PARP4: variants seen among roughly 807,000 people sequenced by gnomAD.
The protein encoded by PARP4 is poly(ADP-ribose) polymerase family member 4, also known as protein mono-ADP-ribosyltransferase PARP4.
A neutral mutation model predicts 187.7 loss-of-function variants in PARP4; 120 were observed. The observed-to-expected ratio is 0.64, with a 90% confidence interval of 0.55 to 0.74. The LOEUF (loss-of-function observed/expected upper bound fraction) is 0.74, where lower values mean the gene tolerates loss of function less well. PARP4 is among the 30% of genes least tolerant of loss of function. The pLI is 0.00. For missense variants in PARP4, 1,836 were observed against 2,070.5 expected, an observed-to-expected ratio of 0.89 and a Z score of 2.20; for synonymous variants, 654 against 740.9, an observed-to-expected ratio of 0.88 and a Z score of 1.90.
At chr13:24,439,378 G>C (rs189385386) in intron 30 of PARP4, among the ~76,000 whole-genome samples, 29 of 150,630 alleles carry the variant, frequency 1.9e-4, no homozygotes, top group African/African-American at 5.8e-4. Flanking sequence ...GAGAAAATTA[G>C]AAAATACAAG....
rs61708412 is a variant in PARP4, at chr13:24,510,553, C to CAAA, written c.-2+2150_-2+2152dup. ...TGGGCGACAGAGCGAGACTCCGTCT[C>CAAA]AAAAAAAAAAAAAAAAAAGTGTTCA... On this transcript the variant is annotated intron_variant, in intron 1 of 33. Coordinates refer to ENST00000381989, the MANE Select transcript of PARP4 (RefSeq NM_006437.4). Among the ~76,000 whole-genome samples the CAAA allele has an allele frequency of 1.2e-4, 11 of 89,258 alleles. 1 individual carries two copies. The highest frequency in any genetic ancestry group is 5.2e-4 in the African/African-American group (11 of 21,016). 58.6% of individuals were successfully genotyped at this position (89,258 alleles called of 152,430 possible).
chr13:24,455,165 G>A lies in PARP4; in HGVS notation c.2610C>T (p.Asp870=), dbSNP rs778083230. The A allele has an allele frequency of 9.4e-6, 15 of 1,603,324 alleles. No individual in the cohort carries two copies. The highest frequency in any genetic ancestry group is 6.7e-5 in the Admixed American group (4 of 59,786). ...TAATCACTTCGCTCTCACTGGCTAG[G>A]TCAGGGAGGTCGACATCGAGATCGG... ...FQPDLDVDLP[D]LASESEVIIC... is the part of the protein sequence containing the mutation. Residue 870 remains aspartate (D), a synonymous_variant, in exon 22 of 34, where the codon GAC becomes GAT. Transcript: ENST00000381989.
chr13:24,440,966 A>G (rs7981480), intron 30 of PARP4, among the ~76,000 whole-genome samples: 60,329 of 151,896 alleles, frequency 0.4, 12,226 homozygotes, highest in African/African-American at 0.46. Context: ...TCTGCTTCCT[A>G]GGTGCAAGCA....
In PARP4 at chr13:24,455,681, G is replaced by A. The variant is rs182330660; in HGVS notation, c.2563-469C>T. ...TGTCCAGGCTGGTATGCAGTGGCAC[G>A]ATCACAGCTCAGTTCAACCTCAACC... On this transcript the variant is annotated intron_variant, in intron 21 of 33. Coordinates refer to ENST00000381989, the MANE Select transcript of PARP4 (RefSeq NM_006437.4). Among the ~76,000 whole-genome samples the A allele has an allele frequency of 1.7e-4, 23 of 136,102 alleles. No homozygotes were observed. In the East Asian group the frequency reaches 3.2e-3, roughly 19 times the overall value. The allele number at this position is 136,102 out of a possible 152,430, so 89.3% of individuals were successfully genotyped here.
chr13:24,442,757 A>T (rs565483118), intron 28 of PARP4, 72 bp from the exon 29 acceptor site: 11 of 841,758 alleles, frequency 1.3e-5, no homozygotes, highest in Middle Eastern at 2.5e-4. Flanking sequence ...TCATTTTAAG[A>T]TTCGTATTTC....
At chr13:24,442,834 AACTG>A in intron 28 of PARP4, 149 bp from the exon 29 acceptor site, 1 of 557,370 alleles carries the variant, frequency 1.8e-6, no homozygotes, top group Non-Finnish European at 3.3e-6. Context: ...AAATGAGATG[AACTG>A]ACTTAGTCAT....
chr13:24,490,532 G>GT (rs1868580694), intron 10 of PARP4, 136 bp downstream of exon 10: 2 of 707,994 alleles, frequency 2.8e-6, no homozygotes, highest in South Asian at 3.9e-5. Flanking sequence ...AGAGAAGAAA[G>GT]TAATGTGTCA....
In PARP4 at chr13:24,475,286, T is replaced by C. The variant is rs145541960; in HGVS notation, c.1914+186A>G. Among the ~76,000 whole-genome samples, 18 of 152,366 alleles carry C rather than the reference T, an allele frequency of 1.2e-4. No individual in the cohort carries two copies. In the East Asian group the frequency reaches 2.1e-3, roughly 18 times the overall value. On this transcript the variant is annotated intron_variant, in intron 15 of 33. Coordinates refer to ENST00000381989, the MANE Select transcript of PARP4 (RefSeq NM_006437.4). ...GTGCTCCACAAGGGCAGAGCTTTTG[T>C]ATTGTGCACTGCTGGATGCTCAGAG...
In PARP4 at chr13:24,511,603, A is replaced by G. The variant is rs373923079; in HGVS notation, c.-2+1103T>C. On this transcript the variant is annotated intron_variant, in intron 1 of 33. Coordinates refer to ENST00000381989, the MANE Select transcript of PARP4 (RefSeq NM_006437.4). ...GGAATCAAGTGGCTTCCTGCTTCAC[A>G]GGTCTTCGTCTTTACCACTGGCATT... 1.4e-3 allele frequency among the ~76,000 whole-genome samples: 206 copies of G among 152,304 alleles called. 3 individuals are homozygous for G. The East Asian group carries it at 0.02, about 15-fold the overall frequency.
At chr13:24,508,644 G>A (rs1869839417) in intron 1 of PARP4, among the ~76,000 whole-genome samples, 1 of 152,186 alleles carries the variant, frequency 6.6e-6, no homozygotes, top group Non-Finnish European at 1.5e-5. Flanking sequence ...CTCCCGAGTA[G>A]CTGGGATTAT....
At chr13:24,494,803 C>G in intron 6 of PARP4, 81 bp from the exon 7 acceptor site, 1 of 840,314 alleles carries the variant, frequency 1.2e-6, no homozygotes. Context: ...GCAGTAGGTC[C>G]TTGACATGAA....
At chr13:24,490,164 G>C (rs975963164) in intron 10 of PARP4, among the ~76,000 whole-genome samples, 3 of 152,218 alleles carry the variant, frequency 2.0e-5, no homozygotes, top group Non-Finnish European at 4.4e-5. Context: ...GGGCTCATCT[G>C]AGCAGGTGGT....
intron 15 of PARP4, among the ~76,000 whole-genome samples, chr13:24,470,817 C>T (rs1341075161): frequency 2.0e-5 from 3 of 152,118 alleles, no homozygotes; most frequent in Non-Finnish European, 2.9e-5. Context: ...AGCTTGGCTG[C>T]CCCTAGGGTG....
At chr13:24,504,332 G>GTTC (rs1352460496) in intron 1 of PARP4, among the ~76,000 whole-genome samples, 239 of 85,008 alleles carry the variant, frequency 2.8e-3, no homozygotes, top group South Asian at 4.2e-3. Context: ...TTTTTTTTTG[G>GTTC]AGACGGAATC....
At chr13:24,470,131 A>T in intron 15 of PARP4, 106 bp from the exon 16 acceptor site, 1 of 1,062,592 alleles carries the variant, frequency 9.4e-7, no homozygotes, top group South Asian at 1.6e-5. Context: ...AATTTCCTTG[A>T]ATTTGTATCA....
intron 31 of PARP4, among the ~76,000 whole-genome samples, chr13:24,431,828 C>G (rs969308484): frequency 4.5e-4 from 69 of 152,306 alleles, no homozygotes; most frequent in Non-Finnish European, 2.2e-4. Flanking sequence ...CTCATAAATG[C>G]TATGAACACT....
In PARP4 at chr13:24,494,626, T is replaced by G. The variant is rs1383706934; in HGVS notation, c.688A>C (p.Arg230=). ...GTTGCTTCAGGTGTGAAATGTTCTC[T>G]TAGTAGAAATCCTTGTTTCTTCAGT... The part of the protein sequence containing the change: ...EELKKQGFLL[R]EHFTPEATQL... Residue 230 remains arginine, a synonymous_variant, in exon 7 of 34, where the codon AGA becomes CGA. Coordinates refer to ENST00000381989, the MANE Select transcript of PARP4 (RefSeq NM_006437.4). 1 of 1,611,488 alleles carries G rather than the reference T, an allele frequency of 6.2e-7. No homozygotes were observed. The highest frequency in any genetic ancestry group is 1.3e-5 in the African/African-American group (1 of 74,878).
At chr13:24,475,791 CTT>C (rs34628702) in intron 14 of PARP4, among the ~76,000 whole-genome samples, 195 bp from the exon 15 acceptor site, 1 of 148,114 alleles carries the variant, frequency 6.8e-6, no homozygotes, top group Non-Finnish European at 1.5e-5. Context: ...TGCCTTCTGC[CTT>C]TTTTTTTTTG....
In PARP4 at chr13:24,431,085, C is replaced by T. The variant is rs1363826388; in HGVS notation, c.4846+292G>A. 5.3e-5 allele frequency among the ~76,000 whole-genome samples: 8 copies of T among 152,030 alleles called. No individual in the cohort carries two copies. The South Asian group carries it at 6.2e-4, about 12-fold the overall frequency. On this transcript the variant is annotated intron_variant, in intron 32 of 33. Coordinates refer to ENST00000381989, the MANE Select transcript of PARP4 (RefSeq NM_006437.4). ...TCCTGACCAATACTTGACTGTGATA[C>T]GGACAAAAAAGTAATCTTTGATTAC...
Sources: allele counts gnomAD v4.1 joint callset (sites outside exome capture counted in the v4.1 genomes callset), GRCh38; gene constraint gnomAD v4.1.1; transcripts MANE v1.5; gene names NCBI Gene and HGNC (gene_info 2026-07-23, HGNC 2026-07-21).